ACTR3C: variants seen among roughly 807,000 people sequenced by gnomAD.
ACTR3C encodes the protein actin-related protein 3C.
Under a neutral mutation model 26.3 loss-of-function variants are expected in ACTR3C, and 18 were observed. The ratio of observed to expected loss-of-function variants is 0.68; its 90% CI spans 0.47 to 1.01. ACTR3C has a LOEUF of 1.01. ACTR3C is among the 50% of genes least tolerant of loss of function. The pLI is 0.00. For synonymous variants in ACTR3C, 55 were observed against 94.5 expected, an observed-to-expected ratio of 0.58 and a Z score of 2.42; for missense variants, 184 against 250.7, an observed-to-expected ratio of 0.73 and a Z score of 1.80.
the ACTR3C span, among the ~76,000 whole-genome samples, chr7:150,221,077 G>A: frequency 9.1e-4 from 139 of 152,386 alleles, no homozygotes; most frequent in Middle Eastern, 0.02. Context: ...ACCCGGGCTC[G>A]TTAGCCCAGG....
At chr7:150,234,300 C>T in the ACTR3C span, among the ~76,000 whole-genome samples, 9,092 of 152,212 alleles carry the variant, frequency 0.06, 495 homozygotes, top group African/African-American at 0.14. Context: ...GATATTGGTG[C>T]CCAGAGTGTG....
At chr7:150,028,560 G>A in the ACTR3C span, among the ~76,000 whole-genome samples, 2,012 of 151,262 alleles carry the variant, frequency 0.013, no homozygotes, top group Non-Finnish European at 0.023. Flanking sequence ...CCCGCCCGGC[G>A]CCGAGGCTGA....
the ACTR3C span, among the ~76,000 whole-genome samples, chr7:150,147,717 G>A: frequency 1.3e-5 from 2 of 152,142 alleles, no homozygotes; most frequent in Admixed American, 6.5e-5. Context: ...TGATGTGTGT[G>A]CCAGGCAAAC....
At chr7:149,965,962 C>A in the ACTR3C span, among the ~76,000 whole-genome samples, 2 of 152,120 alleles carry the variant, frequency 1.3e-5, no homozygotes, top group Non-Finnish European at 2.9e-5. Context: ...GCTTCTGAAC[C>A]GGCCACTGAC....
chr7:150,159,309 G>A, the ACTR3C span, among the ~76,000 whole-genome samples: 1 of 151,926 alleles, frequency 6.6e-6, no homozygotes, highest in African/African-American at 2.4e-5. Context: ...TTCAGGCCAC[G>A]CTGCCTCTGT....
At chr7:149,888,026 C>G in the ACTR3C span, among the ~76,000 whole-genome samples, 1 of 152,046 alleles carries the variant, frequency 6.6e-6, no homozygotes, top group Non-Finnish European at 1.5e-5. Flanking sequence ...TCAGGTGTGT[C>G]TTTATCACCA....
chr7:150,089,051 A>G, the ACTR3C span, among the ~76,000 whole-genome samples: 1 of 152,232 alleles, frequency 6.6e-6, no homozygotes, highest in African/African-American at 2.4e-5. Context: ...TAGACATAAT[A>G]ATATGCAAAA....
intron 6 of ACTR3C, among the ~76,000 whole-genome samples, chr7:150,255,612 T>C (rs1833165156): frequency 6.6e-6 from 1 of 152,166 alleles, no homozygotes; most frequent in Non-Finnish European, 1.5e-5. Context: ...AGTGAAGAGA[T>C]GGCTCTACAT....
At chr7:150,023,209 CTATA>C in the ACTR3C span, among the ~76,000 whole-genome samples, 1 of 143,144 alleles carries the variant, frequency 7.0e-6, no homozygotes, top group African/African-American at 2.6e-5. Context: ...ATATATATCT[CTATA>C]TCTCTATATA....
At chr7:150,225,813 T>C in the ACTR3C span, among the ~76,000 whole-genome samples, 1 of 152,244 alleles carries the variant, frequency 6.6e-6, no homozygotes, top group African/African-American at 2.4e-5. Flanking sequence ...GTATCCACAT[T>C]GTGTCATACA....
At chr7:150,025,218 C>G in the ACTR3C span, among the ~76,000 whole-genome samples, 13 of 150,736 alleles carry the variant, frequency 8.6e-5, no homozygotes, top group African/African-American at 2.9e-4. Context: ...TAGCCTACTG[C>G]TTTTCCTCCC....
At chr7:150,121,290 GTC>G in the ACTR3C span, among the ~76,000 whole-genome samples, 1 of 152,188 alleles carries the variant, frequency 6.6e-6, no homozygotes, top group East Asian at 1.9e-4. Context: ...AAGTCAAATT[GTC>G]TCTGTTTGCA....
chr7:150,012,317 C>CTTT, the ACTR3C span, among the ~76,000 whole-genome samples: 1,316 of 131,254 alleles, frequency 0.01, 188 homozygotes, highest in African/African-American at 0.025. Flanking sequence ...ATAAATGCAT[C>CTTT]TTTTTTTTTT....
the ACTR3C span, among the ~76,000 whole-genome samples, chr7:150,163,145 C>A: frequency 6.7e-6 from 1 of 149,316 alleles, no homozygotes; most frequent in African/African-American, 2.5e-5. Flanking sequence ...CAGAGTGAGA[C>A]TCAGTCTCAA....
At chr7:150,260,959 G>C (rs1178919237) in intron 6 of ACTR3C, among the ~76,000 whole-genome samples, 1 of 152,122 alleles carries the variant, frequency 6.6e-6, no homozygotes, top group Non-Finnish European at 1.5e-5. Flanking sequence ...GAAGAAGAAG[G>C]AGAAAGCCAT....
At chr7:150,290,037 G>A (rs1836112439) in intron 3 of ACTR3C, among the ~76,000 whole-genome samples, 1 of 152,078 alleles carries the variant, frequency 6.6e-6, no homozygotes, top group Non-Finnish European at 1.5e-5. Context: ...ACAGGGCTTA[G>A]ATTCTAACAA....
At chr7:149,887,157 GA>G in the ACTR3C span, among the ~76,000 whole-genome samples, 11 of 151,760 alleles carry the variant, frequency 7.2e-5, no homozygotes, top group African/African-American at 2.7e-4. Flanking sequence ...GGGGAAGAAA[GA>G]AAAAAAGAAA....
At chr7:149,891,297 G>A in the ACTR3C span, 32 of 1,058,396 alleles carry the variant, frequency 3.0e-5, no homozygotes, top group East Asian at 5.3e-5. Context: ...ATGTCGTATC[G>A]GCCACTGGAG....
chr7:149,883,945 A>C, the ACTR3C span, among the ~76,000 whole-genome samples: 1 of 151,316 alleles, frequency 6.6e-6, no homozygotes. Context: ...TCCCTGAGAG[A>C]TCTAGCACAT....
Sources: allele counts gnomAD v4.1 joint callset (sites outside exome capture counted in the v4.1 genomes callset), GRCh38; gene constraint gnomAD v4.1.1; transcripts MANE v1.5; gene names NCBI Gene and HGNC (gene_info 2026-07-23, HGNC 2026-07-21).